Variants in DAGLB observed in about 807,000 individuals in gnomAD.
DAGLB encodes diacylglycerol lipase beta, also known as diacylglycerol lipase-beta.
Under a neutral mutation model 72.1 loss-of-function variants are expected in DAGLB, and 66 were observed. That is an observed-to-expected ratio of 0.92 (90% CI 0.75 to 1.12). The LOEUF (loss-of-function observed/expected upper bound fraction) is 1.12. DAGLB is among the 50% of genes most tolerant of loss of function. DAGLB has a pLI of 0.00. For synonymous variants in DAGLB, 414 were observed against 359.5 expected (o/e 1.15, Z -1.71); for missense variants, 1,065 against 884.9 (o/e 1.20, Z -2.58).
intron 2 of DAGLB, among the ~76,000 whole-genome samples, chr7:6,443,175 C>T (rs1353395132): frequency 7.4e-6 from 1 of 135,942 alleles, no homozygotes; most frequent in Non-Finnish European, 1.5e-5. Context: ...GGTGAAAGAG[C>T]GAGACTCCAT....
chr7:6,415,812 T>G (rs1261730282), intron 11 of DAGLB, among the ~76,000 whole-genome samples: 1 of 148,354 alleles, frequency 6.7e-6, no homozygotes, highest in African/African-American at 2.5e-5. Flanking sequence ...GCCACTGCAC[T>G]CCAGCCTGGG....
At chr7:6,429,869 C>T (rs1419379722) in intron 6 of DAGLB, among the ~76,000 whole-genome samples, 1 of 152,112 alleles carries the variant, frequency 6.6e-6, no homozygotes, top group Admixed American at 6.6e-5. Context: ...ACGGTGAAAC[C>T]CCATCTCTAC....
chr7:6,445,403 A>G (rs919376454), intron 2 of DAGLB, among the ~76,000 whole-genome samples: 3 of 152,216 alleles, frequency 2.0e-5, no homozygotes, highest in Admixed American at 2.0e-4. Context: ...TTCCACTTAT[A>G]TGATGTCCAC....
At position 6,424,779 on chromosome 7, in the gene DAGLB, G is replaced by C; in HGVS notation, c.1113C>G (p.Val371=). ...GCAGAGACATGGTCCCCCTCACAGC[G>C]ACCACAACAGACTCTTTCCTGTGAT... ...ALDHRKESVV[V]AVRGTMSLQD... is the part of the protein sequence containing the mutation. Residue 371 remains valine, a synonymous_variant, in exon 8 of 15, where the codon GTC becomes GTG. Transcript: ENST00000297056. 6.2e-7 allele frequency: 1 copy of C among 1,613,706 alleles called. No individual in the cohort carries two copies. The highest frequency in any genetic ancestry group is 8.5e-7 in the Non-Finnish European group (1 of 1,179,858).
Position 6,436,819 on chromosome 7 carries a change from G to C in DAGLB, c.248-286C>G, listed in dbSNP as rs564106288. ...GACAATATAATCATGGCCCAAACTG[G>C]TATACTTCTGAGAGGAAAAAAGGGG... On this transcript the variant is annotated intron_variant, in intron 2 of 14. Transcript: ENST00000297056. Among the ~76,000 whole-genome samples, 117 of 151,986 alleles carry C rather than the reference G, an allele frequency of 7.7e-4. 1 individual carries two copies. Among genetic ancestry groups the C allele is most frequent in the African/African-American group, 2.6e-3 (108 of 41,434 alleles).
chr7:6,443,651 T>C (rs189474286), intron 2 of DAGLB, among the ~76,000 whole-genome samples: 4 of 152,252 alleles, frequency 2.6e-5, no homozygotes, highest in Admixed American at 2.6e-4. Flanking sequence ...TATTCCAAAC[T>C]GTCAAGATCT....
intron 2 of DAGLB, among the ~76,000 whole-genome samples, chr7:6,443,591 T>C (rs1157563984): frequency 6.6e-6 from 1 of 152,226 alleles, no homozygotes; most frequent in Non-Finnish European, 1.5e-5. Context: ...CTAACATTTC[T>C]ACCCTCTACA....
At chr7:6,418,855 G>A (rs1461128702) in intron 9 of DAGLB, among the ~76,000 whole-genome samples, 2 of 151,564 alleles carry the variant, frequency 1.3e-5, no homozygotes, top group Admixed American at 6.6e-5. Flanking sequence ...TAGTAGAGAC[G>A]GGGTTTCACC....
rs199978186 is a variant in DAGLB, at chr7:6,416,811, C to T, written c.1299+30G>A. The T allele has an allele frequency of 1.8e-4, 287 of 1,614,112 alleles. 1 individual carries two copies. The African/African-American group carries it at 3.5e-3, about 19-fold the overall frequency. On this transcript the variant is annotated intron_variant, in intron 10 of 14. Transcript: ENST00000297056. The stretch of plus-strand genomic sequence containing the variant: ...GTAAAAACAACAGCTCCAAAGAGGA[C>T]AAGGAAAGAAACGTTAACTAAGATC...
intron 6 of DAGLB, among the ~76,000 whole-genome samples, chr7:6,429,046 C>T (rs1005927152): frequency 5.3e-5 from 8 of 151,950 alleles, no homozygotes; most frequent in African/African-American, 9.7e-5. Context: ...TCAAGTGATC[C>T]GCTGGCCTCG....
intron 9 of DAGLB, among the ~76,000 whole-genome samples, chr7:6,419,679 G>A (rs1033126064): frequency 3.3e-5 from 5 of 152,228 alleles, no homozygotes; most frequent in African/African-American, 7.2e-5. Flanking sequence ...CCAAGCCGCG[G>A]ATCCTCAGCT....
At chr7:6,447,203 G>A (rs1441373904) in intron 1 of DAGLB, among the ~76,000 whole-genome samples, 2 of 152,080 alleles carry the variant, frequency 1.3e-5, no homozygotes, top group South Asian at 4.1e-4. Flanking sequence ...CAGACTTCAG[G>A]TACCAATGCC....
At position 6,440,996 on chromosome 7, in the gene DAGLB, T is replaced by G. The variant is rs560438717; in HGVS notation, c.248-4463A>C. ...TGAGGGGGGGACGGAGTTTCCCTCT[T>G]GTGAAAGTGCTGGGGTTACAGGCAT... On this transcript the variant is annotated intron_variant, in intron 2 of 14. Coordinates refer to ENST00000297056, the MANE Select transcript of DAGLB (RefSeq NM_139179.4). 1.7e-3 allele frequency among the ~76,000 whole-genome samples: 258 copies of G among 152,282 alleles called. 1 individual carries two copies. The highest frequency in any genetic ancestry group is 5.8e-3 in the African/African-American group (243 of 41,554).
In DAGLB at chr7:6,445,994, A is replaced by C; in HGVS notation, c.206T>G (p.Val69Gly). ...CATGATGGCTGACACAGTACATATG[A>C]CAACTGCCAGGAGAATCATGAGGAC... ...LIVLMILLAV[V>G]ICTVSAIMCV... Residue 69 changes from valine (V) to glycine (G), a missense_variant, in exon 2 of 15, where the codon GTC (valine) becomes GGC (glycine). Transcript: ENST00000297056. 6.2e-7 allele frequency: 1 copy of C among 1,613,820 alleles called. No homozygotes were observed. Among genetic ancestry groups the C allele is most frequent in the Non-Finnish European group, 8.5e-7 (1 of 1,179,888 alleles).
chr7:6,415,828 G>A (rs982264929), intron 11 of DAGLB, among the ~76,000 whole-genome samples: 163 of 149,022 alleles, frequency 1.1e-3, no homozygotes, highest in African/African-American at 3.9e-3. Flanking sequence ...CTGGGCGACA[G>A]AGCAAGACTC....
At chr7:6,427,497 C>T (rs927624997) in intron 6 of DAGLB, among the ~76,000 whole-genome samples, 1 of 152,094 alleles carries the variant, frequency 6.6e-6, no homozygotes, top group East Asian at 1.9e-4. Context: ...TAATTTAAAA[C>T]ATTTTTAAAA....
At chr7:6,421,108 G>A (rs1407221035) in intron 9 of DAGLB, among the ~76,000 whole-genome samples, 3 of 152,236 alleles carry the variant, frequency 2.0e-5, no homozygotes, top group East Asian at 1.9e-4. Context: ...GTCAAGACCA[G>A]CCTGGGCAAC....
intron 9 of DAGLB, among the ~76,000 whole-genome samples, chr7:6,419,538 G>A (rs915906274): frequency 1.3e-5 from 2 of 152,200 alleles, no homozygotes; most frequent in Admixed American, 1.3e-4. Flanking sequence ...CAGCGTCAGA[G>A]CCAAACTCAG....
intron 13 of DAGLB, among the ~76,000 whole-genome samples, chr7:6,411,824 C>T (rs983397627): frequency 6.6e-6 from 1 of 152,178 alleles, no homozygotes; most frequent in Non-Finnish European, 1.5e-5. Flanking sequence ...TCTGTATCTC[C>T]TTGTCCCCAC....
Sources: gnomAD v4.1 joint callset for allele counts (sites outside exome capture counted in the v4.1 genomes callset) on GRCh38, gnomAD v4.1.1 for gene constraint, MANE v1.5 for transcripts, NCBI Gene and HGNC (gene_info 2026-07-23, HGNC 2026-07-21) for gene names.